The following EXOC4 variants were observed in gnomAD, a reference collection of about 807,000 sequenced individuals.
The protein encoded by EXOC4 is exocyst complex component 4.
EXOC4 carries 71 observed loss-of-function variants against 107.2 expected under a neutral mutation model. The observed-to-expected ratio is 0.66, with a 90% CI of 0.55 to 0.81. The LOEUF (loss-of-function observed/expected upper bound fraction) is 0.81, where lower values mean the gene tolerates loss of function less well. Ranked by LOEUF, EXOC4 falls within the 30% of genes least tolerant of loss-of-function variation. The pLI is 0.00. For missense variants in EXOC4, 1,108 were observed against 1,189.6 expected (o/e 0.93, Z 1.01); for synonymous variants, 456 against 441.2 (o/e 1.03, Z -0.42).
At chr7:134,024,705 CT>C (rs1795099803) in intron 17 of EXOC4, among the ~76,000 whole-genome samples, 1 of 152,162 alleles carries the variant, frequency 6.6e-6, no homozygotes, top group African/African-American at 2.4e-5. Context: ...AAAGCCCAAG[CT>C]TGCTTACTGT....
intron 14 of EXOC4, among the ~76,000 whole-genome samples, chr7:133,952,620 TC>T (rs1174946449): frequency 5.3e-5 from 8 of 152,106 alleles, no homozygotes; most frequent in African/African-American, 1.9e-4. Flanking sequence ...AAACTAAAAC[TC>T]CATATTCCTT....
intron 1 of EXOC4, among the ~76,000 whole-genome samples, chr7:133,258,549 G>A (rs10231430): frequency 0.043 from 6,573 of 152,124 alleles, 496 homozygotes; most frequent in African/African-American, 0.15. Flanking sequence ...ATGAGATGAG[G>A]GTATATAAAA....
rs141150377 is a variant in EXOC4, at chr7:133,731,954, G to C, written c.1515-85371G>C. Among the ~76,000 whole-genome samples, 11 of 152,224 alleles carry C rather than the reference G, an allele frequency of 7.2e-5. No individual in the cohort carries two copies. The East Asian group carries it at 2.1e-3, about 29-fold the overall frequency. ...TTCCATTATGAGTTATATACCCAAA[G>C]GAACGTAAATCATTCTGTTATAAAG... On this transcript the variant is annotated intron_variant, in intron 10 of 17. Transcript: ENST00000253861.
chr7:134,052,133 T>TA (rs1306906915), intron 17 of EXOC4, among the ~76,000 whole-genome samples: 1 of 152,154 alleles, frequency 6.6e-6, no homozygotes, highest in Non-Finnish European at 1.5e-5. Flanking sequence ...ATTGGAGGCT[T>TA]AGAAAGGACA....
At chr7:133,792,437 C>T (rs1394179027) in intron 10 of EXOC4, among the ~76,000 whole-genome samples, 1 of 150,882 alleles carries the variant, frequency 6.6e-6, no homozygotes, top group Non-Finnish European at 1.5e-5. Context: ...CCTGTAGACC[C>T]AGCTACTCAG....
At chr7:133,506,143 G>C (rs983411981) in intron 9 of EXOC4, among the ~76,000 whole-genome samples, 9 of 152,084 alleles carry the variant, frequency 5.9e-5, no homozygotes, top group Admixed American at 3.9e-4. Context: ...TTGGATGACA[G>C]GATATGTTTT....
At chr7:133,952,786 T>G (rs1262875568) in intron 14 of EXOC4, among the ~76,000 whole-genome samples, 4 of 152,222 alleles carry the variant, frequency 2.6e-5, no homozygotes, top group African/African-American at 9.6e-5. Context: ...TAGCATGATG[T>G]CTTCAAGGTC....
chr7:133,933,749 C>T (rs187946201), intron 13 of EXOC4, among the ~76,000 whole-genome samples: 19 of 152,260 alleles, frequency 1.2e-4, no homozygotes, highest in African/African-American at 3.9e-4. Context: ...CAGGCCAGTG[C>T]GCCCATTGCC....
At chr7:133,331,707 C>T (rs544825672) in intron 5 of EXOC4, among the ~76,000 whole-genome samples, 10 of 151,972 alleles carry the variant, frequency 6.6e-5, no homozygotes, top group African/African-American at 2.4e-4. Flanking sequence ...CCTTGTGATC[C>T]GCCCGCCTCG....
intron 12 of EXOC4, among the ~76,000 whole-genome samples, chr7:133,902,046 G>A (rs1020263663): frequency 2.6e-5 from 4 of 152,160 alleles, no homozygotes; most frequent in South Asian, 2.1e-4. Context: ...CCTATTCTTC[G>A]TGAGATCCTC....
chr7:133,908,260 A>C (rs927002242), intron 12 of EXOC4, among the ~76,000 whole-genome samples: 5 of 152,252 alleles, frequency 3.3e-5, no homozygotes, highest in Admixed American at 3.3e-4. Flanking sequence ...TTATGGTCAC[A>C]GCTCATCTAG....
intron 9 of EXOC4, among the ~76,000 whole-genome samples, chr7:133,528,769 G>A (rs1465413906): frequency 6.6e-6 from 1 of 152,086 alleles, no homozygotes; most frequent in Non-Finnish European, 1.5e-5. Flanking sequence ...CTGAACAAAA[G>A]GAGAAGAGGT....
intron 10 of EXOC4, among the ~76,000 whole-genome samples, chr7:133,689,374 C>A (rs770048460): frequency 9.2e-5 from 14 of 152,096 alleles, no homozygotes; most frequent in Non-Finnish European, 1.5e-4. Flanking sequence ...TCAAGGGGGG[C>A]TACTACAATG....
chr7:133,766,975 C>T (rs190219373), intron 10 of EXOC4, among the ~76,000 whole-genome samples: 1 of 151,906 alleles, frequency 6.6e-6, no homozygotes, highest in Non-Finnish European at 1.5e-5. Flanking sequence ...TTCCTCTCAC[C>T]CTTTGTCAGA....
chr7:133,316,477 G>A (rs1201120156), intron 4 of EXOC4, among the ~76,000 whole-genome samples: 1 of 152,154 alleles, frequency 6.6e-6, no homozygotes, highest in South Asian at 2.1e-4. Context: ...TTTCTTGAGA[G>A]CAGGGCATAG....
intron 2 of EXOC4, among the ~76,000 whole-genome samples, chr7:133,278,155 A>T (rs925991559): frequency 6.6e-6 from 1 of 152,170 alleles, no homozygotes; most frequent in Non-Finnish European, 1.5e-5. Flanking sequence ...GTCCTCAGGG[A>T]GCTTATGTGC....
At chr7:133,724,179 G>A (rs938181787) in intron 10 of EXOC4, among the ~76,000 whole-genome samples, 1 of 152,126 alleles carries the variant, frequency 6.6e-6, no homozygotes, top group Non-Finnish European at 1.5e-5. Flanking sequence ...GCCTTGAGTT[G>A]CTAGGTCAGA....
intron 17 of EXOC4, among the ~76,000 whole-genome samples, chr7:134,012,129 C>T (rs2116369082): frequency 6.6e-6 from 1 of 152,250 alleles, no homozygotes; most frequent in Middle Eastern, 3.4e-3. Flanking sequence ...ATTGTAATGA[C>T]ACTGAGTTTT....
chr7:133,466,919 A>C (rs566008486), intron 7 of EXOC4, among the ~76,000 whole-genome samples: 1 of 152,160 alleles, frequency 6.6e-6, no homozygotes, highest in African/African-American at 2.4e-5. Flanking sequence ...ACCTCCATTG[A>C]TTATTTATCA....
Sources: allele counts gnomAD v4.1 joint callset (sites outside exome capture counted in the v4.1 genomes callset), GRCh38; gene constraint gnomAD v4.1.1; transcripts MANE v1.5; gene names NCBI Gene and HGNC (gene_info 2026-07-23, HGNC 2026-07-21).